The following CHCHD6 variants were observed in gnomAD, a reference collection of about 807,000 sequenced individuals.
CHCHD6 encodes the protein coiled-coil-helix-coiled-coil-helix domain containing 6.
CHCHD6 carries 28 observed loss-of-function variants against 32.3 expected under a neutral mutation model. The observed-to-expected ratio is 0.87, with a 90% CI of 0.64 to 1.19. The LOEUF (loss-of-function observed/expected upper bound fraction) is 1.19. Among genes scored for constraint, CHCHD6 ranks in the 50% most tolerant of loss-of-function variants. CHCHD6 has a pLI of 0.00. For synonymous variants in CHCHD6, 122 were observed against 117.5 expected (o/e 1.04, Z -0.25); for missense variants, 333 against 307.0 (o/e 1.08, Z -0.63).
chr3:126,952,009 G>A (rs1162421829), intron 6 of CHCHD6, among the ~76,000 whole-genome samples: 1 of 152,194 alleles, frequency 6.6e-6, no homozygotes, highest in Non-Finnish European at 1.5e-5. Context: ...ACCTTATGTG[G>A]GCCTGCTTGG....
intron 4 of CHCHD6, among the ~76,000 whole-genome samples, chr3:126,794,718 T>C (rs1938709360): frequency 6.6e-6 from 1 of 152,200 alleles, no homozygotes; most frequent in South Asian, 2.1e-4. Flanking sequence ...TGTCTTCTGG[T>C]ATCTGGTATT....
intron 6 of CHCHD6, among the ~76,000 whole-genome samples, chr3:126,956,817 G>A (rs2078792382): frequency 6.6e-6 from 1 of 152,052 alleles, no homozygotes. Context: ...ATATTATAAT[G>A]GTTACCTCTA....
chr3:126,875,994 G>A (rs887023364), intron 5 of CHCHD6, among the ~76,000 whole-genome samples: 6 of 152,182 alleles, frequency 3.9e-5, no homozygotes, highest in African/African-American at 1.4e-4. Context: ...GAGAACAACA[G>A]CTTTCAGTAA....
chr3:126,847,366 T>G (rs1240885692), intron 4 of CHCHD6, among the ~76,000 whole-genome samples: 2 of 152,180 alleles, frequency 1.3e-5, no homozygotes, highest in East Asian at 3.9e-4. Flanking sequence ...GTGGCCACCC[T>G]CAGTGTCTTA....
chr3:126,895,514 G>A (rs973519191), intron 5 of CHCHD6, among the ~76,000 whole-genome samples: 31 of 152,234 alleles, frequency 2.0e-4, no homozygotes, highest in Non-Finnish European at 7.3e-5. Flanking sequence ...ATACTTGGGT[G>A]GAAATGTCAT....
At chr3:126,812,732 G>A (rs781121085) in intron 4 of CHCHD6, among the ~76,000 whole-genome samples, 19 of 151,856 alleles carry the variant, frequency 1.3e-4, no homozygotes, top group Non-Finnish European at 1.3e-4. Flanking sequence ...GTGCCCGGCC[G>A]CATCTCCATT....
rs6804225 is a variant in CHCHD6, at chr3:126,704,270, C to T, written c.-43C>T. On this transcript the variant is annotated 5_prime_UTR_variant, in exon 1 of 8. Coordinates refer to ENST00000290913, the MANE Select transcript of CHCHD6 (RefSeq NM_032343.3). ...GTTGTTGGCCCGGTTGCTCTGGAGC[C>T]GGGTCTCGGGTCTGGTGGCTGCCGG... The T allele has an allele frequency of 1.3e-6, 2 of 1,523,140 alleles. No homozygotes were observed. The highest frequency in any genetic ancestry group is 9.0e-7 in the Non-Finnish European group (1 of 1,109,102). 94.4% of individuals were successfully genotyped at this position (1,523,140 alleles called of 1,614,324 possible). A position where few individuals can be genotyped will look rare whatever the true frequency, so the allele number is the denominator to read the frequency against.
At position 126,865,068 on chromosome 3, in the gene CHCHD6, T is replaced by A. The variant is rs62263286; in HGVS notation, c.495+12338T>A. Reference sequence around the variant, plus strand: ...CATCACTACCTCCTCCTCCTCCTTTTCCACCACCTCCACTTCTTCCTCCTC... The same window carrying A: ...CATCACTACCTCCTCCTCCTCCTTTACCACCACCTCCACTTCTTCCTCCTC... On this transcript the variant is annotated intron_variant, in intron 5 of 7. Transcript: ENST00000290913. Among the ~76,000 whole-genome samples, 349 of 68,186 alleles carry A rather than the reference T, an allele frequency of 5.1e-3. 3 individuals are homozygous for A. The highest frequency in any genetic ancestry group is 0.014 in the African/African-American group (319 of 22,344). The allele number at this position is 68,186 out of a possible 152,430, so 44.7% of individuals were successfully genotyped here. A position where few individuals can be genotyped will look rare whatever the true frequency, so the allele number is the denominator to read the frequency against.
rs562127800 is a variant in CHCHD6 at position 126,779,623 on chromosome 3, G to C, written c.411+46401G>C. ...TCTTTGGAGTTAATTTTTATGTAAG[G>C]TGTAAGACAGAGGTCTAAATCCATT... On this transcript the variant is annotated intron_variant, in intron 4 of 7. Coordinates refer to ENST00000290913, the MANE Select transcript of CHCHD6 (RefSeq NM_032343.3). Among the ~76,000 whole-genome samples, 39 of 151,968 alleles carry C rather than the reference G, an allele frequency of 2.6e-4. 1 individual carries two copies. The highest frequency in any genetic ancestry group is 3.4e-3 in the Middle Eastern group (1 of 294).
chr3:126,822,753 G>A (rs541090936), intron 4 of CHCHD6, among the ~76,000 whole-genome samples: 15 of 152,246 alleles, frequency 9.9e-5, no homozygotes, highest in African/African-American at 3.1e-4. Flanking sequence ...ATTCCTCACC[G>A]AATTGCAGGA....
At chr3:126,746,288 C>T (rs1341517178) in intron 4 of CHCHD6, among the ~76,000 whole-genome samples, 1 of 152,200 alleles carries the variant, frequency 6.6e-6, no homozygotes. Flanking sequence ...ATGGCCTGGG[C>T]AGCCTTGCTG....
chr3:126,910,280 A>AAAAAAACAAAAAAC (rs1379825292), intron 5 of CHCHD6, among the ~76,000 whole-genome samples: 5 of 151,458 alleles, frequency 3.3e-5, no homozygotes, highest in Non-Finnish European at 7.4e-5. Context: ...CAGGAAAAAA[A>AAAAAAACAAAAAAC]AAAAAACAAA....
At chr3:126,844,480 A>AT (rs1462627240) in intron 4 of CHCHD6, among the ~76,000 whole-genome samples, 1 of 152,034 alleles carries the variant, frequency 6.6e-6, no homozygotes, top group Admixed American at 6.6e-5. Flanking sequence ...ATCTGGTCTT[A>AT]TTTTTTGCCT....
chr3:126,959,453 C>T (rs2078830338), intron 7 of CHCHD6, among the ~76,000 whole-genome samples: 1 of 152,260 alleles, frequency 6.6e-6, no homozygotes, highest in African/African-American at 2.4e-5. Context: ...GAGAAACTCT[C>T]ACCACCCTTC....
intron 4 of CHCHD6, among the ~76,000 whole-genome samples, chr3:126,755,142 A>G (rs1290434402): frequency 6.6e-6 from 1 of 152,166 alleles, no homozygotes; most frequent in Non-Finnish European, 1.5e-5. Context: ...CAAGAACATG[A>G]GGAGGGAGAA....
At chr3:126,958,698 C>T (rs562651444) in intron 7 of CHCHD6, among the ~76,000 whole-genome samples, 5 of 152,214 alleles carry the variant, frequency 3.3e-5, no homozygotes, top group Non-Finnish European at 7.3e-5. Flanking sequence ...GATGAGTGGT[C>T]GCAAGGCCTC....
At chr3:126,745,921 T>C (rs1238730347) in intron 4 of CHCHD6, among the ~76,000 whole-genome samples, 1 of 152,208 alleles carries the variant, frequency 6.6e-6, no homozygotes, top group African/African-American at 2.4e-5. Context: ...CTTGGCTTCC[T>C]GCCCACTTGG....
At chr3:126,887,851 G>C (rs2077700153) in intron 5 of CHCHD6, among the ~76,000 whole-genome samples, 1 of 152,230 alleles carries the variant, frequency 6.6e-6, no homozygotes, top group South Asian at 2.1e-4. Flanking sequence ...CACGGACACA[G>C]AACATCTGGA....
intron 4 of CHCHD6, among the ~76,000 whole-genome samples, chr3:126,788,072 A>G (rs186524032): frequency 4.7e-4 from 72 of 152,308 alleles, no homozygotes; most frequent in African/African-American, 1.6e-3. Flanking sequence ...TTCTGCATCT[A>G]TTGAGATAAT....
Sources: gnomAD v4.1 joint callset for allele counts (sites outside exome capture counted in the v4.1 genomes callset) on GRCh38, gnomAD v4.1.1 for gene constraint, MANE v1.5 for transcripts, NCBI Gene and HGNC (gene_info 2026-07-23, HGNC 2026-07-21) for gene names.